The following ZFP62 variants were observed in gnomAD, a reference collection of about 807,000 sequenced individuals.
The protein encoded by ZFP62 is ZFP62 zinc finger protein, also known as zinc finger protein 62 homolog.
ZFP62 carries 44 observed loss-of-function variants against 56.4 expected under a neutral mutation model. The ratio of observed to expected loss-of-function variants is 0.78; its 90% CI spans 0.61 to 1.00. The LOEUF (loss-of-function observed/expected upper bound fraction) is 1.00, where lower values mean the gene tolerates loss of function less well. ZFP62 is among the 50% of genes least tolerant of loss of function. The pLI is 0.00. For missense variants in ZFP62, 1,030 were observed against 1,085.7 expected, an observed-to-expected ratio of 0.95 and a Z score of 0.72; for synonymous variants, 421 against 388.9, an observed-to-expected ratio of 1.08 and a Z score of -0.97.
the ZFP62 span, among the ~76,000 whole-genome samples, chr5:180,836,358 C>T: frequency 2.6e-5 from 4 of 152,188 alleles, no homozygotes; most frequent in East Asian, 3.8e-4. Flanking sequence ...CTTTTCTTGC[C>T]TCTTTCAGCT....
chr5:180,850,769 C>G lies in ZFP62; in HGVS notation c.726G>C (p.Gln242His). Reference protein sequence around the residue: ...KSFNYSSVLDQHKRIHTGEKP... With the variant: ...KSFNYSSVLDHHKRIHTGEKP... ...TCTCCCCAGTGTGGATCCTTTTATG[C>G]TGGTCCAGAACAGAGCTATAATTGA... The change falls in exon 2 of 2, where the codon CAG becomes CAC. Residue 242 changes from glutamine (Q) to histidine (H), a missense_variant. Physicochemically the swap from Gln to His is conservative, Grantham distance 24. Coordinates refer to ENST00000502412, the MANE Select transcript of ZFP62 (RefSeq NM_001172638.2). The G allele has an allele frequency of 6.2e-7, 1 of 1,600,068 alleles. No homozygotes were observed. Among genetic ancestry groups the G allele is most frequent in the Non-Finnish European group, 8.5e-7 (1 of 1,173,050 alleles).
downstream of ZFP62, chr5:180,845,814 G>C: frequency 1.0e-6 from 1 of 985,418 alleles, no homozygotes; most frequent in Non-Finnish European, 1.2e-6. Context: ...ATCCCACGGA[G>C]GAAAATTCCC....
Position 180,849,200 on chromosome 5 carries a change from G to C in ZFP62, c.2295C>G (p.Ala765=), listed in dbSNP as rs770761051. The C allele has an allele frequency of 7.0e-6, 11 of 1,560,626 alleles. No individual in the cohort carries two copies. The South Asian group carries it at 1.3e-4, about 18-fold the overall frequency. Reference sequence around the variant, plus strand: ...CTGTGAGGCCTGAGCTGTTCCTGAAGGCCTTCCCACACCTATCACACACAT... The same window carrying C: ...CTGTGAGGCCTGAGCTGTTCCTGAACGCCTTCCCACACCTATCACACACAT... ...KPYVCDRCGK[A]FRNSSGLTVH... is the part of the protein sequence containing the mutation. Residue 765 remains alanine, a synonymous_variant, in exon 2 of 2, where the codon GCC becomes GCG. Transcript: ENST00000502412.
In ZFP62 at chr5:180,850,293, G is replaced by C; in HGVS notation, c.1202C>G (p.Ala401Gly). Residue 401 changes from alanine (A) to glycine (G), a missense_variant, in exon 2 of 2, where the codon GCA becomes GGA. Ala to Gly is a moderately conservative substitution (Grantham distance 60). Transcript: ENST00000502412. ...TGCGAGGCCTGAGCTATAGCTGAAT[G>C]CTTTGCCACAGACATCACACTTGTA... ...KPYKCDVCGKAFSYSSGLAVH... is the reference protein window; with the variant it reads ...KPYKCDVCGKGFSYSSGLAVH... 6.4e-7 allele frequency: 1 copy of C among 1,561,800 alleles called. No homozygotes were observed. The highest frequency in any genetic ancestry group is 8.7e-7 in the Non-Finnish European group (1 of 1,153,090).
chr5:180,843,574 C>A (rs368970148), downstream of ZFP62, among the ~76,000 whole-genome samples: 4 of 152,154 alleles, frequency 2.6e-5, no homozygotes, highest in African/African-American at 9.6e-5. Flanking sequence ...TAGTAAAAGG[C>A]ATTACTAGGG....
At chr5:180,831,968 T>TCTCCTTGCTTCCCTCC in the ZFP62 span, 12 of 153,202 alleles carry the variant, frequency 7.8e-5, no homozygotes, top group East Asian at 2.3e-3. Context: ...TGCGTTCCTC[T>TCTCCTTGCTTCCCTCC]CTCCTTGCTT....
the ZFP62 span, among the ~76,000 whole-genome samples, chr5:180,837,449 G>C: frequency 3.3e-5 from 5 of 152,136 alleles, no homozygotes; most frequent in African/African-American, 9.7e-5. Context: ...CCTCACACTC[G>C]GTAGGAAGAA....
intron 1 of ZFP62, among the ~76,000 whole-genome samples, chr5:180,858,257 C>CAAA (rs1159409435): frequency 0.059 from 2,341 of 39,726 alleles, 120 homozygotes; most frequent in Non-Finnish European, 0.09. Context: ...AACTCTGTCT[C>CAAA]AAAAAAAAAA....
At chr5:180,853,210 CT>C (rs1327200232) in intron 1 of ZFP62, among the ~76,000 whole-genome samples, 1 of 152,230 alleles carries the variant, frequency 6.6e-6, no homozygotes, top group Non-Finnish European at 1.5e-5. Context: ...GTTAAATAAA[CT>C]GGAGCATATA....
chr5:180,827,318 G>C, the ZFP62 span, among the ~76,000 whole-genome samples: 1 of 152,216 alleles, frequency 6.6e-6, no homozygotes, highest in East Asian at 1.9e-4. Flanking sequence ...TGTATAGAAA[G>C]AAGTAGACGT....
chr5:180,830,034 G>C, the ZFP62 span: 1 of 152,058 alleles, frequency 6.6e-6, no homozygotes, highest in African/African-American at 2.4e-5. Context: ...GGGTGTGCTA[G>C]ACCTTTACTC....
At chr5:180,854,213 T>C (rs1773855813) in intron 1 of ZFP62, among the ~76,000 whole-genome samples, 1 of 152,184 alleles carries the variant, frequency 6.6e-6, no homozygotes, top group African/African-American at 2.4e-5. Context: ...CATCATGCTA[T>C]ACCAGCAAGT....
intron 1 of ZFP62, among the ~76,000 whole-genome samples, chr5:180,858,275 AAAAG>A (rs869080422): frequency 0.18 from 18,439 of 105,356 alleles, 2,681 homozygotes; most frequent in East Asian, 0.48. Flanking sequence ...AAAAAAAAAA[AAAAG>A]AAAAAAAGAA....
chr5:180,833,289 G>C, the ZFP62 span, among the ~76,000 whole-genome samples: 3 of 151,976 alleles, frequency 2.0e-5, no homozygotes, highest in East Asian at 5.8e-4. Flanking sequence ...GACCATCCTG[G>C]CTAACACGGT....
chr5:180,845,662 C>G (rs1325211158), downstream of ZFP62: 4 of 970,390 alleles, frequency 4.1e-6, no homozygotes, highest in East Asian at 4.6e-4. Context: ...AATGAAGGGT[C>G]TCCCCAGCCC....
the ZFP62 span, among the ~76,000 whole-genome samples, chr5:180,833,598 T>C: frequency 6.6e-6 from 1 of 151,714 alleles, no homozygotes; most frequent in South Asian, 2.1e-4. Flanking sequence ...AACGTGACCA[T>C]GCTGGCACCA....
chr5:180,843,684 G>A (rs530984008), downstream of ZFP62, among the ~76,000 whole-genome samples: 4 of 152,328 alleles, frequency 2.6e-5, no homozygotes, highest in African/African-American at 9.6e-5. Flanking sequence ...TATCTAAGTA[G>A]AGATAACTCA....
the ZFP62 span, chr5:180,834,596 C>A: frequency 6.6e-6 from 1 of 152,196 alleles, no homozygotes; most frequent in Non-Finnish European, 1.5e-5. Flanking sequence ...GACTTGCCAG[C>A]CTTCAGAACA....
Position 180,861,256 on chromosome 5 carries a change from G to T in ZFP62, c.-37C>A. On this transcript the variant is annotated 5_prime_UTR_variant, in exon 1 of 2. Coordinates refer to ENST00000502412, the MANE Select transcript of ZFP62 (RefSeq NM_001172638.2). ...CGCCGCGGGAACCCGGCCGCCAGCG[G>T]GACAAAAGCGCGGACCGCACGGCCG... 1 of 397,712 alleles carries T rather than the reference G, an allele frequency of 2.5e-6. No homozygotes were observed. Among genetic ancestry groups the T allele is most frequent in the Non-Finnish European group, 4.4e-6 (1 of 225,432 alleles). The allele number at this position is 397,712 out of a possible 1,614,324, so 24.6% of individuals were successfully genotyped here. A position where few individuals can be genotyped will look rare whatever the true frequency, so the allele number is the denominator to read the frequency against.
Sources: gnomAD v4.1 joint callset for allele counts (sites outside exome capture counted in the v4.1 genomes callset) on GRCh38, gnomAD v4.1.1 for gene constraint, MANE v1.5 for transcripts, NCBI Gene and HGNC (gene_info 2026-07-23, HGNC 2026-07-21) for gene names.